The following WNT8A variants were observed in gnomAD, a reference collection of about 807,000 sequenced individuals.
WNT8A encodes protein Wnt-8a.
A neutral mutation model predicts 20.5 loss-of-function variants in WNT8A; 14 were observed. That is an observed-to-expected ratio of 0.68 (90% CI 0.45 to 1.07). WNT8A has a LOEUF of 1.07. Ranked by LOEUF, WNT8A falls within the 50% of genes least tolerant of loss-of-function variation. The probability of loss-of-function intolerance (pLI) is 0.00; values close to 1 mark genes in which losing one functional copy is unlikely to be tolerated. For missense variants in WNT8A, 397 were observed against 462.9 expected (o/e 0.86, Z 1.31); for synonymous variants, 167 against 169.2 (o/e 0.99, Z 0.10).
At chr5:138,079,312 ATT>A (rs1750444917), upstream of WNT8A, among the ~76,000 whole-genome samples, 1 of 48,156 alleles carries the variant, frequency 2.1e-5, no homozygotes, top group African/African-American at 5.4e-5. Flanking sequence ...TATAATTATT[ATT>A]AATTATATAT....
chr5:138,084,745 G>T, intron 2 of WNT8A, 109 bp downstream of exon 2: 1 of 1,342,478 alleles, frequency 7.4e-7, no homozygotes, highest in East Asian at 2.6e-5. Context: ...TAAAAATGCT[G>T]CCAGTGACCT....
chr5:138,091,046 C>T lies in WNT8A; in HGVS notation c.1083C>T (p.Ala361=), dbSNP rs1316651202. The T allele has an allele frequency of 1.2e-6, 2 of 1,612,776 alleles. No homozygotes were observed. Among genetic ancestry groups the T allele is most frequent in the Non-Finnish European group, 1.7e-6 (2 of 1,179,254 alleles). Residue 361 remains alanine (A), a synonymous_variant, in exon 5 of 5, where the codon GCC becomes GCT. Coordinates refer to ENST00000506684, the MANE Select transcript of WNT8A (RefSeq NM_001300939.2). The part of the protein sequence containing the change: ...KYYCARSPGS[A]QSLGKGSA ...ACTGCGCACGCTCCCCAGGCAGTGCCCAGTCCCTGGGTAAGGGCAGTGCCT... is the reference window on the plus strand; with the variant it reads ...ACTGCGCACGCTCCCCAGGCAGTGCTCAGTCCCTGGGTAAGGGCAGTGCCT...
chr5:138,087,841 T>G lies in WNT8A; in HGVS notation c.331T>G (p.Ser111Ala). Residue 111 changes from serine (S) to alanine (A), a missense_variant, in exon 3 of 5, where the codon TCT (serine) becomes GCT (alanine). Physicochemically the swap from Ser to Ala is moderately conservative, Grantham distance 99. Transcript: ENST00000506684. ...RETSFIHAIS[S>A]AGVMYIITKN... ...GACTTCCTTCATACATGCTATCAGC[T>G]CTGCTGGAGTCATGTACATCATCAC... 6.2e-7 allele frequency: 1 copy of G among 1,614,020 alleles called. No homozygotes were observed. Among genetic ancestry groups the G allele is most frequent in the Non-Finnish European group, 8.5e-7 (1 of 1,179,942 alleles).
chr5:138,087,000 C>T (rs988345708), intron 2 of WNT8A, among the ~76,000 whole-genome samples: 2 of 151,118 alleles, frequency 1.3e-5, no homozygotes, highest in South Asian at 2.1e-4. Context: ...GAGCCAAGAT[C>T]GCGCTACTGC....
At chr5:138,090,412 A>G in intron 4 of WNT8A, 116 bp from the exon 5 acceptor site, 4 of 980,554 alleles carry the variant, frequency 4.1e-6, no homozygotes, top group South Asian at 1.7e-5. Flanking sequence ...AGCTTCCCCA[A>G]ATAATTCTGA....
chr5:138,087,704 G>A, intron 2 of WNT8A, 102 bp from the exon 3 acceptor site: 1 of 1,007,180 alleles, frequency 9.9e-7, no homozygotes, highest in Non-Finnish European at 1.4e-6. Flanking sequence ...AAACCCAAAG[G>A]AAGTGGGGGA....
At position 138,084,611 on chromosome 5, in the gene WNT8A, C is replaced by G. The variant is rs762373225; in HGVS notation, c.270C>G (p.Leu90=). The G allele has an allele frequency of 1.2e-6, 2 of 1,612,036 alleles. No homozygotes were observed. The highest frequency in any genetic ancestry group is 1.7e-6 in the Non-Finnish European group (2 of 1,178,912). The part of the protein sequence containing the change: ...RWNCPENALQ[L]STHNRLRSAT... Reference sequence around the variant, plus strand: ...ACTGCCCTGAAAATGCTCTTCAGCTCTCCACCCACAACAGGCTGAGAAGTG... The same window carrying G: ...ACTGCCCTGAAAATGCTCTTCAGCTGTCCACCCACAACAGGCTGAGAAGTG... Residue 90 remains leucine, a synonymous_variant, in exon 2 of 5, where the codon CTC becomes CTG. Transcript: ENST00000506684.
chr5:138,084,674 T>C lies in WNT8A; in HGVS notation c.295+38T>C, dbSNP rs569056118. 1.9e-6 allele frequency: 3 copies of C among 1,566,618 alleles called. No homozygotes were observed. The South Asian group carries it at 3.5e-5, about 19-fold the overall frequency. The stretch of plus-strand genomic sequence containing the variant: ...GGGACTCACCTGTACAAGGGGTATA[T>C]ATGTGAATGGAGTGGGGCTTGCAGT... On this transcript the variant is annotated intron_variant, in intron 2 of 4. Coordinates refer to ENST00000506684, the MANE Select transcript of WNT8A (RefSeq NM_001300939.2).
chr5:138,084,201 A>G lies in WNT8A; in HGVS notation c.74A>G (p.His25Arg), dbSNP rs1346065769. ...CTCACTCCTTGCCAAGGAGGCCCCC[A>G]TTGTCTCATCCCCATTCACCTCTGC... is the stretch of plus-strand genomic sequence containing the variant. ...PTLTPCQGGP[H>R]CLIPIHLCLT... is the part of the protein sequence containing the mutation. Residue 25 changes from histidine (H) to arginine (R), a missense_variant, in exon 1 of 5, where the codon CAT becomes CGT. Coordinates refer to ENST00000506684, the MANE Select transcript of WNT8A (RefSeq NM_001300939.2). The G allele has an allele frequency of 1.9e-6, 3 of 1,613,954 alleles. No homozygotes were observed. Among genetic ancestry groups the G allele is most frequent in the East Asian group, 2.2e-5 (1 of 44,880 alleles).
intron 3 of WNT8A, among the ~76,000 whole-genome samples, chr5:138,088,518 G>A (rs1364542328): frequency 1.3e-5 from 2 of 151,902 alleles, no homozygotes; most frequent in Non-Finnish European, 2.9e-5. Context: ...CACCACACTC[G>A]GCTAATTTTT....
In WNT8A at chr5:138,091,242, A is replaced by G; in HGVS notation, c.*169A>G. 6.4e-7 allele frequency: 1 copy of G among 1,570,202 alleles called. No homozygotes were observed. Among genetic ancestry groups the G allele is most frequent in the South Asian group, 1.1e-5 (1 of 87,026 alleles). Reference sequence around the variant, plus strand: ...ATGGAGGCCCAAGATTCTACAGCATATTCCTGGCGGGGCTGAAATTGGAAC... The same window carrying G: ...ATGGAGGCCCAAGATTCTACAGCATGTTCCTGGCGGGGCTGAAATTGGAAC... On this transcript the variant is annotated 3_prime_UTR_variant, in exon 5 of 5. Transcript: ENST00000506684.
intron 4 of WNT8A, 105 bp downstream of exon 4, chr5:138,089,174 C>G (rs771641773): frequency 6.8e-7 from 1 of 1,469,436 alleles, no homozygotes; most frequent in Non-Finnish European, 9.1e-7. Context: ...TACTACCCAG[C>G]CAGATTGAGA....
chr5:138,091,571 G>GT, downstream of WNT8A: 1 of 1,179,380 alleles, frequency 8.5e-7, no homozygotes, highest in Non-Finnish European at 1.1e-6. Flanking sequence ...CTACTGGAAA[G>GT]TTTTAGAGTG....
At chr5:138,091,637 A>G (rs934951400), downstream of WNT8A, 30 of 623,346 alleles carry the variant, frequency 4.8e-5, no homozygotes, top group African/African-American at 5.8e-4. Context: ...TCCAGCCTGG[A>G]CAACATAGAA....
chr5:138,088,084 A>G (rs1750730544), intron 3 of WNT8A, among the ~76,000 whole-genome samples, 153 bp downstream of exon 3: 1 of 152,146 alleles, frequency 6.6e-6, no homozygotes, highest in Non-Finnish European at 1.5e-5. Context: ...CTAGCCTTAC[A>G]CTCTCAGAGT....
chr5:138,082,537 A>T (rs1449834380), upstream of WNT8A, among the ~76,000 whole-genome samples: 1 of 151,520 alleles, frequency 6.6e-6, no homozygotes, highest in East Asian at 1.9e-4. Flanking sequence ...GAGATGGCAC[A>T]CTTGCACTCC....
upstream of WNT8A, among the ~76,000 whole-genome samples, chr5:138,083,270 G>A (rs141249412): frequency 0.013 from 1,480 of 116,604 alleles, 28 homozygotes; most frequent in African/African-American, 0.046. Flanking sequence ...GACAGAGCGA[G>A]AGACTCTGTC....
At chr5:138,083,579 T>C (rs1750563423), upstream of WNT8A, among the ~76,000 whole-genome samples, 1 of 151,886 alleles carries the variant, frequency 6.6e-6, no homozygotes, top group Non-Finnish European at 1.5e-5. Context: ...GGTAAATGAG[T>C]AGGAAGCAGC....
chr5:138,086,066 C>T (rs557106615), intron 2 of WNT8A, among the ~76,000 whole-genome samples: 1 of 152,218 alleles, frequency 6.6e-6, no homozygotes, highest in East Asian at 1.9e-4. Context: ...CCTCTCTCTC[C>T]TAGGCCAGCA....
Sources: gnomAD v4.1 joint callset for allele counts (sites outside exome capture counted in the v4.1 genomes callset) on GRCh38, gnomAD v4.1.1 for gene constraint, MANE v1.5 for transcripts, NCBI Gene and HGNC (gene_info 2026-07-23, HGNC 2026-07-21) for gene names.